The following CTNNA3 variants were observed in gnomAD, a reference collection of about 807,000 sequenced individuals.
CTNNA3 encodes catenin alpha-3.
Under a neutral mutation model 95.7 loss-of-function variants are expected in CTNNA3, and 76 were observed. That is an observed-to-expected ratio of 0.79 (90% CI 0.66 to 0.96). The LOEUF (loss-of-function observed/expected upper bound fraction) is 0.96. Among genes scored for constraint, CTNNA3 ranks in the 40% least tolerant of loss-of-function variants. The pLI is 0.00. For missense variants in CTNNA3, 1,191 were observed against 1,089.8 expected, an observed-to-expected ratio of 1.09 and a Z score of -1.31; for synonymous variants, 431 against 374.4, an observed-to-expected ratio of 1.15 and a Z score of -1.74.
Position 66,639,947 on chromosome 10 carries a change from G to A in CTNNA3, c.1282-18163C>T, listed in dbSNP as rs1435324797. ...TGTTTCTCTTCTACAATTATACTAC[G>A]GATGAACTGTGCACCTCTCTCTCTC... On this transcript the variant is annotated intron_variant, in intron 9 of 17. Coordinates refer to ENST00000433211, the MANE Select transcript of CTNNA3 (RefSeq NM_013266.4). 4.0e-5 allele frequency among the ~76,000 whole-genome samples: 6 copies of A among 151,810 alleles called. No homozygotes were observed. In the East Asian group the frequency reaches 5.8e-4, roughly 15 times the overall value.
At chr10:66,591,905 T>G (rs1843564234) in intron 10 of CTNNA3, among the ~76,000 whole-genome samples, 1 of 152,150 alleles carries the variant, frequency 6.6e-6, no homozygotes, top group Admixed American at 6.6e-5. Flanking sequence ...AGTATGTTAG[T>G]TTTATTGCCC....
At chr10:66,513,225 G>A (rs182170932) in intron 11 of CTNNA3, among the ~76,000 whole-genome samples, 122 of 151,772 alleles carry the variant, frequency 8.0e-4, no homozygotes, top group African/African-American at 2.7e-3. Flanking sequence ...TGCCTAATTC[G>A]CTTATTTCAA....
At chr10:66,941,003 C>T (rs1240537607) in intron 7 of CTNNA3, among the ~76,000 whole-genome samples, 2 of 152,160 alleles carry the variant, frequency 1.3e-5, no homozygotes, top group South Asian at 2.1e-4. Flanking sequence ...ATTAAACCTT[C>T]TCCACCTGTA....
At chr10:66,313,736 A>G (rs1388075841) in intron 12 of CTNNA3, among the ~76,000 whole-genome samples, 1 of 152,224 alleles carries the variant, frequency 6.6e-6, no homozygotes, top group Non-Finnish European at 1.5e-5. Context: ...TGACAATGAC[A>G]TAAAGACACT....
intron 7 of CTNNA3, among the ~76,000 whole-genome samples, chr10:67,149,057 A>G (rs1860969430): frequency 6.6e-6 from 1 of 152,234 alleles, no homozygotes; most frequent in South Asian, 2.1e-4. Context: ...TGTGAAAGGC[A>G]AGAAAAGCAG....
In CTNNA3 at chr10:67,235,537, G is replaced by A. The variant is rs369586830; in HGVS notation, c.580-15667C>T. Among the ~76,000 whole-genome samples the A allele has an allele frequency of 5.8e-4, 86 of 149,204 alleles. 1 individual carries two copies. Among genetic ancestry groups the A allele is most frequent in the African/African-American group, 2.0e-3 (82 of 40,160 alleles). ...TTCAAGATGGATTAAAGACTTAAACGTTAGACCTAAAACCATAAAAACCCT... is the reference window on the plus strand; with the variant it reads ...TTCAAGATGGATTAAAGACTTAAACATTAGACCTAAAACCATAAAAACCCT... On this transcript the variant is annotated intron_variant, in intron 5 of 17. Transcript: ENST00000433211.
At chr10:66,941,648 T>C (rs1334629092) in intron 7 of CTNNA3, among the ~76,000 whole-genome samples, 1 of 152,176 alleles carries the variant, frequency 6.6e-6, no homozygotes, top group African/African-American at 2.4e-5. Flanking sequence ...CAGGGCTCAT[T>C]TGCAGAACTC....
chr10:66,196,897 G>T (rs981824479), intron 13 of CTNNA3, among the ~76,000 whole-genome samples: 1 of 152,174 alleles, frequency 6.6e-6, no homozygotes, highest in Non-Finnish European at 1.5e-5. Flanking sequence ...GCTAGTGAAT[G>T]GGGGCCCAGT....
At chr10:66,424,818 TA>T (rs1012629857) in intron 11 of CTNNA3, among the ~76,000 whole-genome samples, 1 of 152,086 alleles carries the variant, frequency 6.6e-6, no homozygotes, top group African/African-American at 2.4e-5. Flanking sequence ...ATATCCTTTT[TA>T]AAATTTTTAT....
rs370600208 is a variant in CTNNA3 at position 66,103,201 on chromosome 10, C to A, written c.1933G>T (p.Val645Phe). 8.1e-6 allele frequency: 13 copies of A among 1,613,998 alleles called. No individual in the cohort carries two copies. Among genetic ancestry groups the A allele is most frequent in the Non-Finnish European group, 1.1e-5 (13 of 1,180,000 alleles). Residue 645 changes from valine (V) to phenylalanine (F), a missense_variant, in exon 14 of 18, where the codon GTC becomes TTC. Val to Phe is a conservative substitution (Grantham distance 50). Transcript: ENST00000433211. ...DVSDLEEEHEVRSHTSIQTEG... is the reference protein window; with the variant it reads ...DVSDLEEEHEFRSHTSIQTEG... ...GTCTGAATGCTGGTGTGACTGCGGA[C>A]CTCGTGTTCCTCTTCAAGGTCAGAA...
At chr10:66,482,412 A>G (rs779146102) in intron 11 of CTNNA3, among the ~76,000 whole-genome samples, 5 of 152,078 alleles carry the variant, frequency 3.3e-5, no homozygotes, top group Non-Finnish European at 7.4e-5. Flanking sequence ...GCCTCATTTA[A>G]TCATGACACT....
Position 66,926,865 on chromosome 10 carries a change from T to C in CTNNA3, c.1048-151341A>G, listed in dbSNP as rs529597983. Reference sequence around the variant, plus strand: ...AAAATATATGCCTATTTTTGCTTGATTAAGGATTAATTCTTTTTTGGGGGG... The same window carrying C: ...AAAATATATGCCTATTTTTGCTTGACTAAGGATTAATTCTTTTTTGGGGGG... On this transcript the variant is annotated intron_variant, in intron 7 of 17. Coordinates refer to ENST00000433211, the MANE Select transcript of CTNNA3 (RefSeq NM_013266.4). The C allele has an allele frequency of 7.1e-4, 1,041 of 1,466,630 alleles. 6 individuals are homozygous for C. Among genetic ancestry groups the C allele is most frequent in the South Asian group, 5.0e-3 (354 of 70,756 alleles). 90.9% of individuals were successfully genotyped at this position (1,466,630 alleles called of 1,614,324 possible). A position where few individuals can be genotyped will look rare whatever the true frequency, so the allele number is the denominator to read the frequency against.
intron 17 of CTNNA3, among the ~76,000 whole-genome samples, chr10:65,961,084 T>C (rs889598276): frequency 2.6e-5 from 4 of 152,204 alleles, no homozygotes; most frequent in Non-Finnish European, 1.5e-5. Context: ...TCTCTTCTGG[T>C]CGCTTTTTTT....
chr10:66,961,372 T>C (rs1849100990), intron 7 of CTNNA3, among the ~76,000 whole-genome samples: 1 of 152,158 alleles, frequency 6.6e-6, no homozygotes, highest in Admixed American at 6.5e-5. Flanking sequence ...TCCATCCTCC[T>C]CTTACTTGAA....
At chr10:66,496,394 T>G (rs981951214) in intron 11 of CTNNA3, among the ~76,000 whole-genome samples, 3 of 152,218 alleles carry the variant, frequency 2.0e-5, no homozygotes, top group Admixed American at 6.5e-5. Flanking sequence ...TTATTTCCAG[T>G]TTGATTAAAT....
intron 3 of CTNNA3, among the ~76,000 whole-genome samples, chr10:67,555,021 C>T (rs989623514): frequency 1.3e-5 from 2 of 152,106 alleles, no homozygotes; most frequent in East Asian, 1.9e-4. Flanking sequence ...AATCCTTTCC[C>T]TATTTCTTGT....
intron 16 of CTNNA3, among the ~76,000 whole-genome samples, chr10:65,977,816 T>TAAAA (rs2078236347): frequency 6.6e-6 from 1 of 151,798 alleles, no homozygotes; most frequent in Non-Finnish European, 1.5e-5. Flanking sequence ...AATAAATAAA[T>TAAAA]AAAACGAATT....
intron 1 of CTNNA3, among the ~76,000 whole-genome samples, chr10:67,724,065 GCT>G (rs1290119835): frequency 2.0e-5 from 3 of 152,070 alleles, no homozygotes; most frequent in African/African-American, 7.2e-5. Context: ...CCCCAGCTGG[GCT>G]CAGCAGTGAC....
intron 16 of CTNNA3, among the ~76,000 whole-genome samples, chr10:65,986,458 C>G (rs1254539332): frequency 6.6e-6 from 1 of 151,248 alleles, no homozygotes; most frequent in Non-Finnish European, 1.5e-5. Context: ...GGCAAGCAAT[C>G]CTATTTCTCA....
Sources: allele counts gnomAD v4.1 joint callset (sites outside exome capture counted in the v4.1 genomes callset), GRCh38; gene constraint gnomAD v4.1.1; transcripts MANE v1.5; gene names NCBI Gene and HGNC (gene_info 2026-07-23, HGNC 2026-07-21).